The following SMOC2 variants were observed in gnomAD, a reference collection of about 807,000 sequenced individuals.
SMOC2 encodes SPARC related modular calcium binding 2, also known as SPARC-related modular calcium-binding protein 2.
SMOC2 carries 39 observed loss-of-function variants against 61.4 expected under a neutral mutation model. The ratio of observed to expected loss-of-function variants is 0.64; its 90% CI spans 0.49 to 0.83. The LOEUF is 0.83. SMOC2 is among the 40% of genes least tolerant of loss of function. SMOC2 has a pLI of 0.00. For synonymous variants in SMOC2, 247 were observed against 239.9 expected (o/e 1.03, Z -0.27); for missense variants, 556 against 592.9 (o/e 0.94, Z 0.65).
intron 11 of SMOC2, among the ~76,000 whole-genome samples, chr6:168,655,705 A>G (rs1268303881): frequency 2.0e-5 from 3 of 151,194 alleles, no homozygotes; most frequent in East Asian, 2.0e-4. Flanking sequence ...GATCCCTTGC[A>G]CATGTATCCT....
At chr6:168,503,746 G>GTTGTCATGA (rs1782794292) in intron 1 of SMOC2, among the ~76,000 whole-genome samples, 2 of 152,148 alleles carry the variant, frequency 1.3e-5, no homozygotes, top group African/African-American at 4.8e-5. Flanking sequence ...TGCCGGCTCA[G>GTTGTCATGA]TGTCCCGCAG....
intron 1 of SMOC2, among the ~76,000 whole-genome samples, chr6:168,454,710 T>G (rs750903895): frequency 6.6e-6 from 1 of 152,154 alleles, no homozygotes; most frequent in African/African-American, 2.4e-5. Flanking sequence ...CACTAAAATA[T>G]GTGAAAAAAA....
intron 1 of SMOC2, among the ~76,000 whole-genome samples, chr6:168,480,578 A>T (rs563958694): frequency 1.3e-5 from 2 of 152,264 alleles, no homozygotes; most frequent in African/African-American, 4.8e-5. Flanking sequence ...TCTGAGAAAT[A>T]TATTTTTTTT....
intron 8 of SMOC2, among the ~76,000 whole-genome samples, chr6:168,607,704 G>T (rs977741252): frequency 9.2e-5 from 14 of 151,808 alleles, no homozygotes; most frequent in South Asian, 2.1e-4. Flanking sequence ...CTTTCCTTGG[G>T]CGGGGTGGGG....
At chr6:168,484,000 A>C (rs892659735) in intron 1 of SMOC2, among the ~76,000 whole-genome samples, 1 of 152,212 alleles carries the variant, frequency 6.6e-6, no homozygotes, top group African/African-American at 2.4e-5. Context: ...GGAAGAAAGC[A>C]TAGGACAATA....
chr6:168,638,894 T>C lies in SMOC2; in HGVS notation c.908-11787T>C, dbSNP rs572598044. Among the ~76,000 whole-genome samples the C allele has an allele frequency of 7.2e-5, 11 of 152,270 alleles. No individual in the cohort carries two copies. In the South Asian group the frequency reaches 8.3e-4, roughly 12 times the overall value. ...CGTAAGGAAGAAACAAATGCACTTT[T>C]AAAAGGAGAAAATCTCCAGTGCCCA... On this transcript the variant is annotated intron_variant, in intron 9 of 12. Transcript: ENST00000356284.
In SMOC2 at chr6:168,617,985, T is replaced by G. The variant is rs145163169; in HGVS notation, c.907+9746T>G. Among the ~76,000 whole-genome samples, 617 of 152,340 alleles carry G rather than the reference T, an allele frequency of 4.1e-3. 4 individuals carry two copies. The highest frequency in any genetic ancestry group is 0.014 in the African/African-American group (602 of 41,596). On this transcript the variant is annotated intron_variant, in intron 9 of 12. Transcript: ENST00000356284. ...GGCATGCTGACATGGATTGCCAGGT[T>G]TATGGGGTCTGCCAGGGATAAAATA...
intron 1 of SMOC2, 41 bp from the exon 2 acceptor site, chr6:168,509,872 ATG>A: frequency 2.5e-6 from 4 of 1,571,004 alleles, no homozygotes; most frequent in South Asian, 1.2e-5. Context: ...GCTCTGAAGA[ATG>A]TGTCTTTAAA....
At chr6:168,638,106 C>T (rs1014249936) in intron 9 of SMOC2, among the ~76,000 whole-genome samples, 3 of 148,040 alleles carry the variant, frequency 2.0e-5, no homozygotes, top group African/African-American at 7.4e-5. Flanking sequence ...GGAAGCATTT[C>T]CTCTCCCTGC....
At position 168,527,693 on chromosome 6, in the gene SMOC2, C is replaced by T. The variant is rs1783488137; in HGVS notation, c.429C>T (p.Gly143=). The T allele has an allele frequency of 1.9e-6, 3 of 1,552,042 alleles. No homozygotes were observed. Among genetic ancestry groups the T allele is most frequent in the Admixed American group, 2.0e-5 (1 of 51,156 alleles). ...CGCCCAACGGGAGGCCCATCAGCGG[C>T]ACTGCCGTGGCCCACAAGACGCCCC... ...CVTPNGRPIS[G]TAVAHKTPRC... is the part of the protein sequence containing the mutation. The change falls in exon 4 of 13, where the codon GGC becomes GGT. Residue 143 remains glycine, a synonymous_variant. Transcript: ENST00000356284.
chr6:168,617,122 T>C (rs1463593958), intron 9 of SMOC2, among the ~76,000 whole-genome samples: 1 of 152,224 alleles, frequency 6.6e-6, no homozygotes, highest in Non-Finnish European at 1.5e-5. Flanking sequence ...ATATTTCTTT[T>C]GGCTGATATT....
chr6:168,560,589 C>T (rs1273487916), intron 7 of SMOC2, among the ~76,000 whole-genome samples: 1 of 80,532 alleles, frequency 1.2e-5, no homozygotes, highest in Non-Finnish European at 2.4e-5. Flanking sequence ...GAGGAGGTGT[C>T]ATTTTCCTGC....
chr6:168,592,647 A>T (rs1785219732), intron 7 of SMOC2, among the ~76,000 whole-genome samples: 1 of 137,256 alleles, frequency 7.3e-6, no homozygotes, highest in Non-Finnish European at 1.6e-5. Flanking sequence ...TTTCTAGAGG[A>T]TCGCTGAGCT....
intron 1 of SMOC2, among the ~76,000 whole-genome samples, chr6:168,498,266 A>G (rs1000862057): frequency 2.6e-5 from 4 of 152,162 alleles, no homozygotes; most frequent in Non-Finnish European, 5.9e-5. Flanking sequence ...TTACTCTCAT[A>G]TTCTGTAACA....
intron 7 of SMOC2, among the ~76,000 whole-genome samples, chr6:168,559,497 A>AAATAG (rs1784343091): frequency 6.6e-6 from 1 of 151,944 alleles, no homozygotes; most frequent in South Asian, 2.1e-4. Context: ...AAATAAAATA[A>AAATAG]AATAGTAACA....
chr6:168,532,710 TG>T (rs1295497625), intron 4 of SMOC2, among the ~76,000 whole-genome samples: 5 of 152,178 alleles, frequency 3.3e-5, no homozygotes, highest in Non-Finnish European at 7.3e-5. Flanking sequence ...ATATATAGCT[TG>T]GTTGGAGTTA....
intron 7 of SMOC2, among the ~76,000 whole-genome samples, chr6:168,554,534 G>T (rs1784201512): frequency 6.6e-6 from 1 of 152,212 alleles, no homozygotes; most frequent in South Asian, 2.1e-4. Context: ...GGGTGGAGAG[G>T]AGGGGCACGG....
intron 1 of SMOC2, among the ~76,000 whole-genome samples, chr6:168,468,734 A>G (rs900733078): frequency 2.0e-5 from 3 of 152,050 alleles, no homozygotes; most frequent in African/African-American, 4.8e-5. Flanking sequence ...GGGTTTCACC[A>G]TGTTGGCCAG....
intron 1 of SMOC2, among the ~76,000 whole-genome samples, chr6:168,494,373 A>G (rs1443370596): frequency 6.6e-6 from 1 of 152,174 alleles, no homozygotes; most frequent in Admixed American, 6.5e-5. Context: ...CCAACCAGTA[A>G]ATACATGAAA....
Sources: gnomAD v4.1 joint callset for allele counts (sites outside exome capture counted in the v4.1 genomes callset) on GRCh38, gnomAD v4.1.1 for gene constraint, MANE v1.5 for transcripts, NCBI Gene and HGNC (gene_info 2026-07-23, HGNC 2026-07-21) for gene names.